Variants in BMPER observed in about 807,000 individuals in gnomAD.
BMPER encodes the protein BMP binding endothelial regulator.
Under a neutral mutation model 87.3 loss-of-function variants are expected in BMPER, and 45 were observed. The ratio of observed to expected loss-of-function variants is 0.52; its 90% CI spans 0.41 to 0.66. The LOEUF (loss-of-function observed/expected upper bound fraction) is 0.66. Ranked by LOEUF, BMPER falls within the 30% of genes least tolerant of loss-of-function variation. The pLI is 0.00. For missense variants in BMPER, 784 were observed against 867.5 expected, an observed-to-expected ratio of 0.90 and a Z score of 1.21; for synonymous variants, 326 against 316.2, an observed-to-expected ratio of 1.03 and a Z score of -0.33.
chr7:34,121,699 A>G (rs928634198), intron 13 of BMPER, among the ~76,000 whole-genome samples: 1 of 152,250 alleles, frequency 6.6e-6, no homozygotes, highest in Admixed American at 6.5e-5. Flanking sequence ...GCCTCTGGGC[A>G]TTATCCAGAA....
intron 6 of BMPER, among the ~76,000 whole-genome samples, chr7:34,009,054 C>T (rs1786810862): frequency 6.6e-6 from 1 of 151,648 alleles, no homozygotes; most frequent in Non-Finnish European, 1.5e-5. Context: ...AAATTCCTGG[C>T]CTCAAATGAT....
At chr7:34,094,766 T>A (rs1789486031) in intron 13 of BMPER, among the ~76,000 whole-genome samples, 2 of 152,106 alleles carry the variant, frequency 1.3e-5, no homozygotes, top group Non-Finnish European at 2.9e-5. Flanking sequence ...TGTGTGAGGG[T>A]TGCATCAGTC....
intron 13 of BMPER, among the ~76,000 whole-genome samples, chr7:34,134,534 T>C (rs1790672062): frequency 6.6e-6 from 1 of 152,124 alleles, no homozygotes; most frequent in South Asian, 2.1e-4. Context: ...ATGGTCAGTT[T>C]TTCCCTCCGT....
intron 11 of BMPER, among the ~76,000 whole-genome samples, chr7:34,075,471 T>C (rs913816708): frequency 2.6e-5 from 4 of 152,300 alleles, no homozygotes; most frequent in African/African-American, 9.6e-5. Context: ...CCCCTTTACC[T>C]GTGCATTTGT....
intron 11 of BMPER, among the ~76,000 whole-genome samples, chr7:34,076,463 A>T (rs952455660): frequency 1.3e-5 from 2 of 152,174 alleles, no homozygotes; most frequent in Non-Finnish European, 2.9e-5. Flanking sequence ...AGTTAAAATT[A>T]TCCTGTACAT....
At chr7:33,969,145 G>C (rs564280224) in intron 4 of BMPER, among the ~76,000 whole-genome samples, 34 of 152,110 alleles carry the variant, frequency 2.2e-4, no homozygotes, top group Non-Finnish European at 4.7e-4. Flanking sequence ...AGATGATGTG[G>C]TAGCAGACAC....
chr7:34,113,166 A>G (rs910868740), intron 13 of BMPER, among the ~76,000 whole-genome samples: 2 of 152,038 alleles, frequency 1.3e-5, no homozygotes, highest in Non-Finnish European at 2.9e-5. Flanking sequence ...ATGATAGGTA[A>G]AAATTGGTTT....
intron 3 of BMPER, among the ~76,000 whole-genome samples, chr7:33,955,245 C>G (rs990166086): frequency 7.2e-5 from 11 of 152,170 alleles, no homozygotes; most frequent in African/African-American, 2.4e-4. Flanking sequence ...GAATTTTTCT[C>G]TTTAATCACT....
intron 13 of BMPER, among the ~76,000 whole-genome samples, chr7:34,138,894 C>G (rs945828679): frequency 6.6e-6 from 1 of 152,162 alleles, no homozygotes; most frequent in East Asian, 1.9e-4. Flanking sequence ...CCATAAATCT[C>G]AGTCACTCCC....
At chr7:34,149,289 T>C (rs1791111401) in intron 14 of BMPER, among the ~76,000 whole-genome samples, 4 of 152,202 alleles carry the variant, frequency 2.6e-5, no homozygotes, top group Admixed American at 6.5e-5. Context: ...GAGACTCTTA[T>C]GAATATCTCT....
intron 6 of BMPER, 84 bp downstream of exon 6, chr7:33,974,868 G>A: frequency 7.5e-7 from 1 of 1,334,192 alleles, no homozygotes; most frequent in Non-Finnish European, 1.1e-6. Context: ...GGTCTCTACA[G>A]CCTCTCTCTC....
chr7:34,129,586 GAGAGAGAGAGAGAGAGAGAGAGAA>G (rs1437817821), intron 13 of BMPER, among the ~76,000 whole-genome samples: 5 of 72,728 alleles, frequency 6.9e-5, no homozygotes, highest in South Asian at 5.5e-4. Context: ...AGGAGAGAGA[GAGAGAGAGAGAGAGAGAGAGAGAA>G]AGAGAGAGAG....
chr7:33,937,093 C>G (rs1784620401), intron 2 of BMPER, among the ~76,000 whole-genome samples, 196 bp from the exon 3 acceptor site: 1 of 152,200 alleles, frequency 6.6e-6, no homozygotes, highest in African/African-American at 2.4e-5. Context: ...TCATCTGACT[C>G]TGATCTCCAA....
chr7:34,001,563 CT>C (rs34700644), intron 6 of BMPER, among the ~76,000 whole-genome samples: 42,486 of 138,466 alleles, frequency 0.31, 6,373 homozygotes, highest in African/African-American at 0.4. Context: ...AATCTGCTTT[CT>C]TTTTTTTTTT....
intron 2 of BMPER, among the ~76,000 whole-genome samples, chr7:33,924,362 C>T (rs1045183647): frequency 2.0e-5 from 3 of 152,232 alleles, no homozygotes; most frequent in African/African-American, 7.2e-5. Flanking sequence ...AAAATCTTCC[C>T]GTGGCTTCTC....
At chr7:34,029,577 G>A (rs1470808811) in intron 6 of BMPER, among the ~76,000 whole-genome samples, 1 of 152,044 alleles carries the variant, frequency 6.6e-6, no homozygotes, top group Non-Finnish European at 1.5e-5. Flanking sequence ...GGCCCTATGA[G>A]GTCCCTGCTA....
intron 13 of BMPER, among the ~76,000 whole-genome samples, chr7:34,099,323 C>T (rs1332475087): frequency 6.6e-6 from 1 of 152,196 alleles, no homozygotes; most frequent in East Asian, 1.9e-4. Flanking sequence ...GCTGGCAAGC[C>T]ATCCTCACCC....
intron 6 of BMPER, among the ~76,000 whole-genome samples, chr7:34,031,501 C>T (rs1483995747): frequency 6.6e-6 from 1 of 151,988 alleles, no homozygotes; most frequent in East Asian, 1.9e-4. Flanking sequence ...CACTACTGTA[C>T]ACCCCAAAGA....
At chr7:33,983,935 G>A (rs1009686501) in intron 6 of BMPER, among the ~76,000 whole-genome samples, 4 of 152,106 alleles carry the variant, frequency 2.6e-5, no homozygotes, top group East Asian at 1.9e-4. Context: ...AAGTTCACAC[G>A]TCTAAGCAAG....
Sources: allele counts gnomAD v4.1 joint callset (sites outside exome capture counted in the v4.1 genomes callset), GRCh38; gene constraint gnomAD v4.1.1; transcripts MANE v1.5; gene names NCBI Gene and HGNC (gene_info 2026-07-23, HGNC 2026-07-21).